PDE4D: variants seen among roughly 807,000 people sequenced by gnomAD.
The protein encoded by PDE4D is phosphodiesterase 4D.
Under a neutral mutation model 87.4 loss-of-function variants are expected in PDE4D, and 24 were observed. The ratio of observed to expected loss-of-function variants is 0.27; its 90% CI spans 0.20 to 0.39. The LOEUF is 0.39. PDE4D is among the 10% of genes least tolerant of loss of function. The pLI is 1.00. For synonymous variants in PDE4D, 384 were observed against 383.2 expected, an observed-to-expected ratio of 1.00 and a Z score of -0.02; for missense variants, 714 against 1,041.0, an observed-to-expected ratio of 0.69 and a Z score of 4.32.
chr5:60,440,014 C>T (rs1745075593), intron 1 of PDE4D, among the ~76,000 whole-genome samples: 1 of 151,942 alleles, frequency 6.6e-6, no homozygotes, highest in African/African-American at 2.4e-5. Flanking sequence ...AACTTCAACC[C>T]ATGGTACTTT....
chr5:60,084,222 T>A (rs1774284667), intron 2 of PDE4D, among the ~76,000 whole-genome samples: 1 of 152,222 alleles, frequency 6.6e-6, no homozygotes, highest in African/African-American at 2.4e-5. Flanking sequence ...GTTTTAAACA[T>A]CAGAGAGAAA....
intron 1 of PDE4D, among the ~76,000 whole-genome samples, chr5:59,711,268 A>T (rs1311338494): frequency 1.3e-5 from 2 of 152,144 alleles, no homozygotes; most frequent in African/African-American, 2.4e-5. Flanking sequence ...ATATAAGACC[A>T]TTATTTTGTC....
chr5:60,139,371 T>C (rs752496729), intron 2 of PDE4D, among the ~76,000 whole-genome samples: 1 of 152,122 alleles, frequency 6.6e-6, no homozygotes, highest in Non-Finnish European at 1.5e-5. Flanking sequence ...TTAATGTGCA[T>C]ATTCCAAGTT....
chr5:60,134,800 C>T (rs2194257), intron 2 of PDE4D, among the ~76,000 whole-genome samples: 102,667 of 152,032 alleles, frequency 0.68, 35,181 homozygotes, highest in Middle Eastern at 0.7. Flanking sequence ...GCAAACTTTT[C>T]TCTTAAGTTT....
rs1765480025 is a variant in PDE4D at position 59,075,123 on chromosome 5, CAA to C, written c.809-36154_809-36153del. Among the ~76,000 whole-genome samples, 5 of 141,338 alleles carry C rather than the reference CAA, an allele frequency of 3.5e-5. No individual in the cohort carries two copies. The South Asian group carries it at 1.2e-3, about 33-fold the overall frequency. 92.7% of individuals were successfully genotyped at this position (141,338 alleles called of 152,430 possible). ...ACACACACACACACACACACACACA[CAA>C]TTTCTTAATTATGTCTACCATGGGC... On this transcript the variant is annotated intron_variant, in intron 5 of 14. Transcript: ENST00000340635.
chr5:60,304,742 C>A (rs1754317981), intron 1 of PDE4D, among the ~76,000 whole-genome samples: 1 of 150,702 alleles, frequency 6.6e-6, no homozygotes, highest in Non-Finnish European at 1.5e-5. Context: ...ATTACAGATA[C>A]CGTGTATAAC....
chr5:59,583,181 G>A (rs145165775), intron 1 of PDE4D, among the ~76,000 whole-genome samples: 6 of 152,152 alleles, frequency 3.9e-5, no homozygotes, highest in East Asian at 3.8e-4. Flanking sequence ...ATTATAAAAA[G>A]TTGTTATATA....
In PDE4D at chr5:59,399,804, A is replaced by C. The variant is rs1378305245; in HGVS notation, c.456-183836T>G. Among the ~76,000 whole-genome samples the C allele has an allele frequency of 5.6e-5, 6 of 108,106 alleles. 1 individual carries two copies. Among genetic ancestry groups the C allele is most frequent in the Non-Finnish European group, 1.1e-4 (6 of 52,882 alleles). The allele number at this position is 108,106 out of a possible 152,430, so 70.9% of individuals were successfully genotyped here. A position where few individuals can be genotyped will look rare whatever the true frequency, so the allele number is the denominator to read the frequency against. On this transcript the variant is annotated intron_variant, in intron 1 of 14. Transcript: ENST00000340635. The stretch of plus-strand genomic sequence containing the variant: ...ATCAGAGTGAACAGGCAACCTAGAA[A>C]ATGGGAGAAAATTTTCGCAACCTAC...
At chr5:60,055,161 T>C (rs886883808) in intron 2 of PDE4D, among the ~76,000 whole-genome samples, 12 of 152,100 alleles carry the variant, frequency 7.9e-5, no homozygotes, top group African/African-American at 2.9e-4. Flanking sequence ...CCAGACAATA[T>C]ATCTTTTGAT....
intron 5 of PDE4D, among the ~76,000 whole-genome samples, chr5:59,170,597 TCAA>T (rs1364754302): frequency 6.6e-6 from 1 of 152,186 alleles, no homozygotes; most frequent in African/African-American, 2.4e-5. Context: ...TAACTACTGG[TCAA>T]CAACTAAAAG....
At chr5:59,822,203 A>G (rs1481866944) in intron 1 of PDE4D, among the ~76,000 whole-genome samples, 4 of 152,228 alleles carry the variant, frequency 2.6e-5, no homozygotes, top group Non-Finnish European at 4.4e-5. Flanking sequence ...AAGGGCATAT[A>G]TAATTAAACT....
chr5:60,352,778 C>T (rs773257536), intron 1 of PDE4D, among the ~76,000 whole-genome samples: 29 of 152,050 alleles, frequency 1.9e-4, no homozygotes, highest in Non-Finnish European at 3.2e-4. Flanking sequence ...ACCAGTGTAA[C>T]TCATTGATTA....
chr5:59,878,611 C>T (rs1288471537), intron 1 of PDE4D, among the ~76,000 whole-genome samples: 8 of 152,004 alleles, frequency 5.3e-5, no homozygotes, highest in Non-Finnish European at 8.8e-5. Flanking sequence ...CCATGCCTGG[C>T]CATGGATTCA....
At chr5:59,342,950 C>T (rs1341076039) in intron 1 of PDE4D, among the ~76,000 whole-genome samples, 3 of 150,180 alleles carry the variant, frequency 2.0e-5, no homozygotes, top group Admixed American at 2.0e-4. Flanking sequence ...CATTTAAAAT[C>T]TACTCTCTTA....
intron 2 of PDE4D, among the ~76,000 whole-genome samples, chr5:60,011,991 A>G (rs1199921595): frequency 1.3e-5 from 2 of 152,174 alleles, no homozygotes; most frequent in East Asian, 3.8e-4. Flanking sequence ...CATGACAGCC[A>G]CTAACCGAGA....
At position 59,304,323 on chromosome 5, in the gene PDE4D, T is replaced by C. The variant is rs154220; in HGVS notation, c.456-88355A>G. Among the ~76,000 whole-genome samples, 1,439 of 152,054 alleles carry C rather than the reference T, an allele frequency of 9.5e-3. 37 individuals carry two copies. Among genetic ancestry groups the C allele is most frequent in the South Asian group, 0.092 (443 of 4,802 alleles). ...GAGTTCTTAGAGTTTTCAAGGTAAA[T>C]AATCATATCATCAGCAAACAGTGAC... On this transcript the variant is annotated intron_variant, in intron 1 of 14. Transcript: ENST00000340635.
chr5:59,151,156 T>C (rs1482581912), intron 5 of PDE4D, among the ~76,000 whole-genome samples: 1 of 152,178 alleles, frequency 6.6e-6, no homozygotes, highest in Non-Finnish European at 1.5e-5. Flanking sequence ...GTGAGGATAT[T>C]GTCATATGGT....
At chr5:60,396,328 G>A (rs182768864) in intron 1 of PDE4D, among the ~76,000 whole-genome samples, 8 of 152,258 alleles carry the variant, frequency 5.3e-5, no homozygotes, top group Admixed American at 6.5e-5. Context: ...AAGTCAGGAA[G>A]GTGAACTGGG....
intron 1 of PDE4D, among the ~76,000 whole-genome samples, chr5:59,881,853 A>G (rs1749476333): frequency 6.6e-6 from 1 of 152,224 alleles, no homozygotes; most frequent in African/African-American, 2.4e-5. Flanking sequence ...CAGGTTTGGG[A>G]GATCTGAAAA....
Sources: allele counts gnomAD v4.1 joint callset (sites outside exome capture counted in the v4.1 genomes callset), GRCh38; gene constraint gnomAD v4.1.1; transcripts MANE v1.5; gene names NCBI Gene and HGNC (gene_info 2026-07-23, HGNC 2026-07-21).